Variants in ASZ1 observed in about 807,000 individuals in gnomAD.
ASZ1 encodes ankyrin repeat, SAM and basic leucine zipper domain containing 1, also known as ankyrin repeat, SAM and basic leucine zipper domain-containing protein 1.
A neutral mutation model predicts 61.8 loss-of-function variants in ASZ1; 67 were observed. The observed-to-expected ratio is 1.08, with a 90% CI of 0.89 to 1.33. The LOEUF is 1.33. ASZ1 is among the 40% of genes most tolerant of loss of function. The pLI is 0.00. For synonymous variants in ASZ1, 193 were observed against 192.7 expected (o/e 1.00, Z -0.01); for missense variants, 577 against 554.5 (o/e 1.04, Z -0.41).
At chr7:117,426,646 T>C (rs1030928714) in intron 2 of ASZ1, among the ~76,000 whole-genome samples, 190 bp downstream of exon 2, 1 of 152,008 alleles carries the variant, frequency 6.6e-6, no homozygotes, top group African/African-American at 2.4e-5. Flanking sequence ...ATAAACAGGG[T>C]GGCATTCCAA....
At chr7:117,367,109 T>G (rs928300290) in intron 12 of ASZ1, among the ~76,000 whole-genome samples, 4 of 152,232 alleles carry the variant, frequency 2.6e-5, no homozygotes, top group African/African-American at 9.6e-5. Flanking sequence ...AAATTGGTAG[T>G]GATACATTTT....
rs1795996749 is a variant in ASZ1, at chr7:117,368,964, G to A, written c.1056-247C>T. Reference sequence around the variant, plus strand: ...ACAATTACAGCTTTATTATTCACAGGAACACATGAAGGAGGAAGACAAAAT... The same window carrying A: ...ACAATTACAGCTTTATTATTCACAGAAACACATGAAGGAGGAAGACAAAAT... On this transcript the variant is annotated intron_variant, in intron 10 of 12. Coordinates refer to ENST00000284629, the MANE Select transcript of ASZ1 (RefSeq NM_130768.3). Among the ~76,000 whole-genome samples, 4 of 152,244 alleles carry A rather than the reference G, an allele frequency of 2.6e-5. No individual in the cohort carries two copies. The South Asian group carries it at 8.3e-4, about 32-fold the overall frequency.
chr7:117,390,767 A>G (rs1252297049), intron 4 of ASZ1, among the ~76,000 whole-genome samples: 2 of 152,090 alleles, frequency 1.3e-5, no homozygotes, highest in Non-Finnish European at 2.9e-5. Flanking sequence ...GCAGTGGCAC[A>G]ATCTTGGCTC....
At chr7:117,374,148 C>G (rs1184441774) in intron 10 of ASZ1, among the ~76,000 whole-genome samples, 1 of 151,992 alleles carries the variant, frequency 6.6e-6, no homozygotes, top group Non-Finnish European at 1.5e-5. Context: ...TTTAAGCTAT[C>G]TAATAAAGAT....
chr7:117,378,139 C>T (rs1000253003), intron 10 of ASZ1, among the ~76,000 whole-genome samples: 1 of 152,036 alleles, frequency 6.6e-6, no homozygotes, highest in African/African-American at 2.4e-5. Context: ...GTTCTTTAAC[C>T]TGATACTAAA....
At chr7:117,399,812 C>T (rs982679725) in intron 4 of ASZ1, among the ~76,000 whole-genome samples, 2 of 151,940 alleles carry the variant, frequency 1.3e-5, no homozygotes, top group African/African-American at 4.8e-5. Context: ...CGTAAATATA[C>T]TTAAACCATT....
At chr7:117,411,509 TG>T (rs1796888937) in intron 4 of ASZ1, among the ~76,000 whole-genome samples, 1 of 151,788 alleles carries the variant, frequency 6.6e-6, no homozygotes, top group Admixed American at 6.6e-5. Context: ...AAAAACAAAA[TG>T]GATACTTTCA....
At chr7:117,422,493 C>T in intron 2 of ASZ1, 134 bp from the exon 3 acceptor site, 1 of 1,011,388 alleles carries the variant, frequency 9.9e-7, no homozygotes. Context: ...TTTTTAATGG[C>T]TTCCAAAAAA....
intron 10 of ASZ1, among the ~76,000 whole-genome samples, chr7:117,370,783 C>A (rs1796034324): frequency 6.7e-6 from 1 of 148,782 alleles, no homozygotes. Flanking sequence ...ATAAAAATTA[C>A]TATTATTGGA....
At chr7:117,395,005 AT>A (rs1297387052) in intron 4 of ASZ1, among the ~76,000 whole-genome samples, 1 of 151,908 alleles carries the variant, frequency 6.6e-6, no homozygotes, top group African/African-American at 2.4e-5. Context: ...CTTTTGTTGA[AT>A]TTGTTGTCCC....
intron 4 of ASZ1, among the ~76,000 whole-genome samples, chr7:117,392,786 T>C (rs1048612995): frequency 2.0e-5 from 3 of 152,154 alleles, no homozygotes; most frequent in Non-Finnish European, 4.4e-5. Context: ...GGCCTTGTGT[T>C]GTCACTTTTA....
At chr7:117,416,668 T>C (rs1378698742) in intron 4 of ASZ1, among the ~76,000 whole-genome samples, 1 of 152,200 alleles carries the variant, frequency 6.6e-6, no homozygotes, top group East Asian at 1.9e-4. Flanking sequence ...GTGATAGAAA[T>C]ATCTCATCTT....
chr7:117,377,988 G>A (rs998298887), intron 10 of ASZ1, among the ~76,000 whole-genome samples: 12 of 146,746 alleles, frequency 8.2e-5, no homozygotes, highest in African/African-American at 2.8e-4. Context: ...ATCCCCAGGT[G>A]AAAAAAAAAA....
At chr7:117,425,406 C>T (rs1797181993) in intron 2 of ASZ1, among the ~76,000 whole-genome samples, 1 of 151,316 alleles carries the variant, frequency 6.6e-6, no homozygotes. Flanking sequence ...GCTGGGACTA[C>T]AGGCGCCCGC....
intron 2 of ASZ1, among the ~76,000 whole-genome samples, chr7:117,423,195 T>C (rs1009452732): frequency 6.6e-6 from 1 of 152,162 alleles, no homozygotes; most frequent in Admixed American, 6.5e-5. Context: ...ATATCAGGTA[T>C]TGAAAGTAAG....
intron 10 of ASZ1, among the ~76,000 whole-genome samples, chr7:117,377,460 C>T (rs920934732): frequency 6.6e-6 from 1 of 151,954 alleles, no homozygotes. Flanking sequence ...CCCAGGAATT[C>T]GAGGTTGCAG....
intron 7 of ASZ1, among the ~76,000 whole-genome samples, chr7:117,382,493 G>A (rs1314847586): frequency 6.6e-6 from 1 of 151,348 alleles, no homozygotes; most frequent in Non-Finnish European, 1.5e-5. Flanking sequence ...AGGTGTTTGA[G>A]GCAAAAAAAC....
intron 4 of ASZ1, among the ~76,000 whole-genome samples, chr7:117,397,204 T>C (rs992099812): frequency 1.3e-5 from 2 of 151,916 alleles, no homozygotes; most frequent in African/African-American, 4.8e-5. Flanking sequence ...AGTGAGACTC[T>C]GTCTCCGAAC....
At chr7:117,401,386 T>C (rs1423847772) in intron 4 of ASZ1, among the ~76,000 whole-genome samples, 3 of 150,954 alleles carry the variant, frequency 2.0e-5, no homozygotes, top group Non-Finnish European at 2.9e-5. Context: ...AAGCTGTTTT[T>C]TTTTTTTTAA....
Sources: gnomAD v4.1 joint callset for allele counts (sites outside exome capture counted in the v4.1 genomes callset) on GRCh38, gnomAD v4.1.1 for gene constraint, MANE v1.5 for transcripts, NCBI Gene and HGNC (gene_info 2026-07-23, HGNC 2026-07-21) for gene names.